Variants in SPTBN1 observed in about 807,000 individuals in gnomAD.
SPTBN1 encodes the protein spectrin beta chain, non-erythrocytic 1.
Under a neutral mutation model 266.4 loss-of-function variants are expected in SPTBN1, and 32 were observed. The observed-to-expected ratio is 0.12, with a 90% CI of 0.09 to 0.16. The LOEUF (loss-of-function observed/expected upper bound fraction) is 0.16. Among genes scored for constraint, SPTBN1 ranks in the 10% least tolerant of loss-of-function variants. The pLI is 1.00. For synonymous variants in SPTBN1, 1,336 were observed against 1,162.2 expected, an observed-to-expected ratio of 1.15 and a Z score of -3.04; for missense variants, 2,296 against 3,067.1, an observed-to-expected ratio of 0.75 and a Z score of 5.94.
At chr2:54,478,904 A>G (rs1450498086) in intron 1 of SPTBN1, among the ~76,000 whole-genome samples, 1 of 143,812 alleles carries the variant, frequency 7.0e-6, no homozygotes, top group African/African-American at 2.4e-5. Flanking sequence ...GTGTGTGTGT[A>G]TATATATGTG....
rs371456299 is a variant in SPTBN1, at chr2:54,548,059, C to G, written c.148+21493C>G. Reference sequence around the variant, plus strand: ...TTGGGAGGCTGAGGCAGGAGAATGGCATGAACCCAGGAGGTGGAGCTTGCA... The same window carrying G: ...TTGGGAGGCTGAGGCAGGAGAATGGGATGAACCCAGGAGGTGGAGCTTGCA... On this transcript the variant is annotated intron_variant, in intron 2 of 35. Transcript: ENST00000356805. Among the ~76,000 whole-genome samples the G allele has an allele frequency of 1.1e-3, 174 of 152,256 alleles. 4 individuals carry two copies. In the South Asian group the frequency reaches 0.034, roughly 30 times the overall value.
chr2:54,536,553 A>G (rs913411415), intron 2 of SPTBN1, among the ~76,000 whole-genome samples: 3 of 152,242 alleles, frequency 2.0e-5, no homozygotes, highest in Non-Finnish European at 4.4e-5. Flanking sequence ...CATATTCAAT[A>G]GCAGTCCAGT....
chr2:54,613,210 T>C (rs536894481), intron 4 of SPTBN1, among the ~76,000 whole-genome samples: 1 of 152,348 alleles, frequency 6.6e-6, no homozygotes, highest in South Asian at 2.1e-4. Flanking sequence ...TGTACCATAG[T>C]GTCAGGTTTC....
In SPTBN1 at chr2:54,604,785, A is replaced by G. The variant is rs545882732; in HGVS notation, c.300+5542A>G. On this transcript the variant is annotated intron_variant, in intron 3 of 35. Transcript: ENST00000356805. ...GGGGGAAACAGAAAAAGTGCCTGTGAAAAAAACACAGGAATCCACGGACTG... is the reference window on the plus strand; with the variant it reads ...GGGGGAAACAGAAAAAGTGCCTGTGGAAAAAACACAGGAATCCACGGACTG... 4.6e-5 allele frequency among the ~76,000 whole-genome samples: 7 copies of G among 152,264 alleles called. No homozygotes were observed. In the East Asian group the frequency reaches 7.7e-4, roughly 17 times the overall value.
intron 1 of SPTBN1, among the ~76,000 whole-genome samples, chr2:54,457,630 G>C (rs1364486622): frequency 6.6e-6 from 1 of 152,200 alleles, no homozygotes; most frequent in African/African-American, 2.4e-5. Flanking sequence ...CAATGCAGCA[G>C]TATCGCAGCT....
intron 2 of SPTBN1, among the ~76,000 whole-genome samples, chr2:54,539,885 C>T (rs1428093742): frequency 6.6e-6 from 1 of 152,036 alleles, no homozygotes; most frequent in Non-Finnish European, 1.5e-5. Flanking sequence ...ATGTTTGTTC[C>T]TCCCACTCAA....
intron 16 of SPTBN1, among the ~76,000 whole-genome samples, 169 bp from the exon 17 acceptor site, chr2:54,632,397 A>C (rs1454091959): frequency 2.6e-5 from 4 of 152,224 alleles, no homozygotes; most frequent in Non-Finnish European, 1.5e-5. Context: ...GGTCAGTTAC[A>C]GTGTCCCACT....
chr2:54,515,500 C>T (rs1278649217), intron 1 of SPTBN1, among the ~76,000 whole-genome samples: 1 of 151,852 alleles, frequency 6.6e-6, no homozygotes, highest in Admixed American at 6.6e-5. Flanking sequence ...TTCATTATTC[C>T]CATCCCTTAT....
chr2:54,567,502 GC>G (rs33937060), intron 2 of SPTBN1, among the ~76,000 whole-genome samples: 41,872 of 151,756 alleles, frequency 0.28, 7,894 homozygotes, highest in African/African-American at 0.54. Flanking sequence ...CACCCACCAT[GC>G]CCAGCAATAC....
At chr2:54,556,525 A>T (rs181175290) in intron 2 of SPTBN1, among the ~76,000 whole-genome samples, 67 of 152,346 alleles carry the variant, frequency 4.4e-4, no homozygotes, top group African/African-American at 1.5e-3. Flanking sequence ...TAAGTTGGCA[A>T]AGCACTTTGT....
At chr2:54,667,749 T>A (rs1013154666) in intron 35 of SPTBN1, 103 bp downstream of exon 35, 1 of 1,078,902 alleles carries the variant, frequency 9.3e-7, no homozygotes, top group Non-Finnish European at 1.4e-6. Context: ...TGATGATCAG[T>A]GATGGTTTCT....
chr2:54,583,875 A>G (rs1365680577), intron 2 of SPTBN1, among the ~76,000 whole-genome samples: 5 of 152,212 alleles, frequency 3.3e-5, no homozygotes, highest in African/African-American at 1.2e-4. Context: ...CAATTCTCTT[A>G]TCAAATAAAA....
chr2:54,522,846 C>T (rs1240849805), intron 1 of SPTBN1, among the ~76,000 whole-genome samples: 2 of 151,992 alleles, frequency 1.3e-5, no homozygotes, highest in African/African-American at 4.8e-5. Flanking sequence ...GATGTTGCAG[C>T]GCAGGTATAG....
intron 26 of SPTBN1, among the ~76,000 whole-genome samples, chr2:54,651,711 C>G (rs1680303186): frequency 6.6e-6 from 1 of 152,204 alleles, no homozygotes; most frequent in Non-Finnish European, 1.5e-5. Flanking sequence ...GACACAGAAA[C>G]AGGTGTTTTG....
At chr2:54,549,203 C>T (rs1024480553) in intron 2 of SPTBN1, among the ~76,000 whole-genome samples, 2 of 149,732 alleles carry the variant, frequency 1.3e-5, no homozygotes, top group South Asian at 4.2e-4. Context: ...GCAAGAGAAT[C>T]GCTTGAACCC....
At position 54,647,135 on chromosome 2, in the gene SPTBN1, A is replaced by C; in HGVS notation, c.4871A>C (p.Glu1624Ala). 6.2e-7 allele frequency: 1 copy of C among 1,614,172 alleles called. No homozygotes were observed. Among genetic ancestry groups the C allele is most frequent in the Non-Finnish European group, 8.5e-7 (1 of 1,180,030 alleles). Residue 1624 changes from glutamate to alanine, a missense_variant, in exon 24 of 36, where the codon GAG (glutamate) becomes GCG (alanine). By Grantham distance (107) the Glu-to-Ala change is moderately radical. Coordinates refer to ENST00000356805, the MANE Select transcript of SPTBN1 (RefSeq NM_003128.3). ...YMMSEEKAKD[E>A]QSAVSMLKKH... ...GATGTTCTCCTGTCTTTGCAGGATG[A>C]GCAGAGTGCTGTCTCCATGTTGAAG... is the stretch of plus-strand genomic sequence containing the variant.
chr2:54,590,636 G>C (rs1007915673), intron 2 of SPTBN1, among the ~76,000 whole-genome samples: 1 of 152,170 alleles, frequency 6.6e-6, no homozygotes, highest in Admixed American at 6.5e-5. Context: ...GGATCTTAAA[G>C]GAAGGGTAAG....
intron 1 of SPTBN1, among the ~76,000 whole-genome samples, chr2:54,468,754 T>C (rs1693769486): frequency 6.6e-6 from 1 of 152,242 alleles, no homozygotes; most frequent in African/African-American, 2.4e-5. Flanking sequence ...CATTAGATAA[T>C]GTGCTTTCTG....
At chr2:54,466,543 C>CA (rs1468663326) in intron 1 of SPTBN1, among the ~76,000 whole-genome samples, 1 of 18,516 alleles carries the variant, frequency 5.4e-5, no homozygotes, top group Non-Finnish European at 7.3e-5. Flanking sequence ...GCCTGGGCGA[C>CA]AGAGCGAGAC....
Sources: gnomAD v4.1 joint callset for allele counts (sites outside exome capture counted in the v4.1 genomes callset) on GRCh38, gnomAD v4.1.1 for gene constraint, MANE v1.5 for transcripts, NCBI Gene and HGNC (gene_info 2026-07-23, HGNC 2026-07-21) for gene names.